ETS1: variants seen among roughly 807,000 people sequenced by gnomAD.
ETS1 encodes the protein ETS proto-oncogene 1, transcription factor.
A neutral mutation model predicts 58.6 loss-of-function variants in ETS1; 15 were observed. The ratio of observed to expected loss-of-function variants is 0.26; its 90% CI spans 0.17 to 0.39. The LOEUF is 0.39. Ranked by LOEUF, ETS1 falls within the 10% of genes least tolerant of loss-of-function variation. ETS1 has a pLI of 1.00. For synonymous variants in ETS1, 214 were observed against 218.2 expected, an observed-to-expected ratio of 0.98 and a Z score of 0.17; for missense variants, 417 against 610.5, an observed-to-expected ratio of 0.68 and a Z score of 3.34.
chr11:128,476,248 T>C (rs1862319356), intron 8 of ETS1, among the ~76,000 whole-genome samples: 1 of 152,166 alleles, frequency 6.6e-6, no homozygotes, highest in South Asian at 2.1e-4. Flanking sequence ...GATTTATAGG[T>C]CAATAATTCT....
intron 3 of ETS1, among the ~76,000 whole-genome samples, chr11:128,555,133 A>G (rs1452856980): frequency 6.6e-6 from 1 of 152,162 alleles, no homozygotes; most frequent in Non-Finnish European, 1.5e-5. Context: ...ACAGGAATCT[A>G]TTTCATTCTG....
intron 8 of ETS1, among the ~76,000 whole-genome samples, chr11:128,476,610 A>G (rs1489028728): frequency 6.6e-6 from 1 of 152,228 alleles, no homozygotes; most frequent in Non-Finnish European, 1.5e-5. Context: ...TTCTATACCT[A>G]CTGAAATGGA....
At position 128,461,930 on chromosome 11, in the gene ETS1, G is replaced by A. The variant is rs1202436236; in HGVS notation, c.*431C>T. On this transcript the variant is annotated 3_prime_UTR_variant, in exon 10 of 10. Coordinates refer to ENST00000392668, the MANE Select transcript of ETS1 (RefSeq NM_001143820.2). ...GTTTCATCCCACCCACCTCTTTTTTGCCCTCCCAGACCTAAAAACAGAAGC... is the reference window on the plus strand; with the variant it reads ...GTTTCATCCCACCCACCTCTTTTTTACCCTCCCAGACCTAAAAACAGAAGC... The A allele has an allele frequency of 6.6e-6, 1 of 151,702 alleles. No individual in the cohort carries two copies. Among genetic ancestry groups the A allele is most frequent in the African/African-American group, 2.5e-5 (1 of 40,258 alleles). The allele number at this position is 151,702 out of a possible 1,614,324, so 9.4% of individuals were successfully genotyped here.
chr11:128,585,183 AAAGAAG>A (rs1864993817), intron 1 of ETS1, among the ~76,000 whole-genome samples: 2 of 51,170 alleles, frequency 3.9e-5, no homozygotes, highest in African/African-American at 2.0e-4. Context: ...AGAAAGAAAG[AAAGAAG>A]GAAGGAAAGA....
chr11:128,522,368 T>A, intron 3 of ETS1: 2 of 992,034 alleles, frequency 2.0e-6, no homozygotes, highest in Non-Finnish European at 2.4e-6. Context: ...TTAGGGCGTT[T>A]CTCGCGGCGC....
intron 2 of ETS1, among the ~76,000 whole-genome samples, chr11:128,571,232 C>T (rs573081806): frequency 2.1e-4 from 32 of 151,508 alleles, no homozygotes; most frequent in Admixed American, 1.8e-3. Context: ...ATCGAGACCA[C>T]GGTGAAACCC....
chr11:128,534,585 C>A (rs1003591863), intron 3 of ETS1, among the ~76,000 whole-genome samples: 11 of 152,102 alleles, frequency 7.2e-5, no homozygotes, highest in African/African-American at 2.4e-4. Flanking sequence ...TTCCCCGTAC[C>A]CCTCCAACAG....
chr11:128,579,409 T>G (rs1281256204), intron 1 of ETS1, among the ~76,000 whole-genome samples: 1 of 151,950 alleles, frequency 6.6e-6, no homozygotes, highest in Non-Finnish European at 1.5e-5. Flanking sequence ...CGCCTGTAAT[T>G]CCAGCAATTT....
chr11:128,469,854 C>G lies in ETS1; in HGVS notation c.1124-6227G>C, dbSNP rs987627794. Among the ~76,000 whole-genome samples the G allele has an allele frequency of 1.3e-5, 2 of 152,206 alleles. 1 individual carries two copies. Among genetic ancestry groups the G allele is most frequent in the Non-Finnish European group, 2.9e-5 (2 of 68,028 alleles). ...TTTCTTTGCCCCACCCTGACCCAAT[C>G]TTATCTCATCTCTAACACACTCCAT... is the stretch of plus-strand genomic sequence containing the variant. On this transcript the variant is annotated intron_variant, in intron 8 of 9. Transcript: ENST00000392668.
At chr11:128,537,717 C>T (rs1863992749) in intron 3 of ETS1, among the ~76,000 whole-genome samples, 1 of 152,068 alleles carries the variant, frequency 6.6e-6, no homozygotes, top group African/African-American at 2.4e-5. Context: ...TTTTTTACCA[C>T]TTATACGTGT....
At chr11:128,471,100 G>A (rs917942858) in intron 8 of ETS1, among the ~76,000 whole-genome samples, 2 of 152,288 alleles carry the variant, frequency 1.3e-5, no homozygotes, top group South Asian at 4.1e-4. Flanking sequence ...AGCTCACCTA[G>A]AGCAAGTTCA....
rs577637953 is a variant in ETS1 at position 128,575,614 on chromosome 11, C to T, written c.-14-2470G>A. ...AGACTCAGGAAAAATCTGAGAAAGACAGGATCTCTATCTTCAGGCAGTGGA... is the reference window on the plus strand; with the variant it reads ...AGACTCAGGAAAAATCTGAGAAAGATAGGATCTCTATCTTCAGGCAGTGGA... On this transcript the variant is annotated intron_variant, in intron 1 of 9. Transcript: ENST00000392668. Among the ~76,000 whole-genome samples the T allele has an allele frequency of 5.3e-5, 8 of 152,312 alleles. No homozygotes were observed. The East Asian group carries it at 5.8e-4, about 11-fold the overall frequency.
intron 3 of ETS1, among the ~76,000 whole-genome samples, chr11:128,552,386 T>C (rs1468350296): frequency 6.6e-6 from 1 of 152,226 alleles, no homozygotes; most frequent in African/African-American, 2.4e-5. Context: ...GAAAAAGTAT[T>C]GTCTTGTTTC....
At chr11:128,539,607 T>G (rs1007991968) in intron 3 of ETS1, among the ~76,000 whole-genome samples, 2 of 152,084 alleles carry the variant, frequency 1.3e-5, no homozygotes, top group Admixed American at 6.5e-5. Context: ...ACAAATAGAG[T>G]TACCATACGA....
chr11:128,546,940 C>A (rs778566774), intron 3 of ETS1, among the ~76,000 whole-genome samples: 2 of 152,168 alleles, frequency 1.3e-5, no homozygotes, highest in Non-Finnish European at 2.9e-5. Flanking sequence ...ACCTCCAGCT[C>A]ACTTTAGGGA....
rs528265280 is a variant in ETS1 at position 128,474,390 on chromosome 11, G to GA, written c.1123+5800dup. Among the ~76,000 whole-genome samples, 111 of 148,714 alleles carry GA rather than the reference G, an allele frequency of 7.5e-4. 2 individuals are homozygous for GA. The East Asian group carries it at 0.011, about 15-fold the overall frequency. ...TTCCACGTTTTTTAAAAGACATTTA[G>GA]AAAAAAAAAAGTTCATAGTGAGGAC... On this transcript the variant is annotated intron_variant, in intron 8 of 9. Coordinates refer to ENST00000392668, the MANE Select transcript of ETS1 (RefSeq NM_001143820.2).
At chr11:128,521,027 C>G (rs2135517217) in intron 3 of ETS1, among the ~76,000 whole-genome samples, 1 of 152,190 alleles carries the variant, frequency 6.6e-6, no homozygotes, top group East Asian at 1.9e-4. Flanking sequence ...GCTGGCAGTG[C>G]CTTATCCTAA....
At chr11:128,566,640 G>A (rs1029575737) in intron 2 of ETS1, among the ~76,000 whole-genome samples, 3 of 152,092 alleles carry the variant, frequency 2.0e-5, no homozygotes, top group Admixed American at 6.5e-5. Flanking sequence ...AAAATTAGCT[G>A]GGCACGGTGG....
intron 2 of ETS1, among the ~76,000 whole-genome samples, chr11:128,567,363 G>A (rs544378851): frequency 2.0e-5 from 3 of 152,336 alleles, no homozygotes; most frequent in East Asian, 1.9e-4. Flanking sequence ...GTGCTCGTAC[G>A]TCTGCAATAC....
Sources: gnomAD v4.1 joint callset for allele counts (sites outside exome capture counted in the v4.1 genomes callset) on GRCh38, gnomAD v4.1.1 for gene constraint, MANE v1.5 for transcripts, NCBI Gene and HGNC (gene_info 2026-07-23, HGNC 2026-07-21) for gene names.